Variants in CHSY3 observed in about 807,000 individuals in gnomAD.
The protein encoded by CHSY3 is chondroitin sulfate synthase 3, also known as N-acetylgalactosaminyl-proteoglycan 3-beta-glucuronosyltransferase 3.
Under a neutral mutation model 67.2 loss-of-function variants are expected in CHSY3, and 35 were observed. That is an observed-to-expected ratio of 0.52 (90% CI 0.40 to 0.69). The LOEUF is 0.69. Among genes scored for constraint, CHSY3 ranks in the 30% least tolerant of loss-of-function variants. CHSY3 has a pLI of 0.00. For synonymous variants in CHSY3, 474 were observed against 434.7 expected, an observed-to-expected ratio of 1.09 and a Z score of -1.12; for missense variants, 1,069 against 1,138.5, an observed-to-expected ratio of 0.94 and a Z score of 0.88.
chr5:129,937,955 C>T (rs1761560640), intron 2 of CHSY3, among the ~76,000 whole-genome samples: 1 of 152,122 alleles, frequency 6.6e-6, no homozygotes, highest in East Asian at 1.9e-4. Flanking sequence ...TCACATTTCC[C>T]CTCTTCACTT....
intron 2 of CHSY3, among the ~76,000 whole-genome samples, chr5:130,182,952 T>G (rs938468115): frequency 6.6e-6 from 1 of 152,048 alleles, no homozygotes; most frequent in African/African-American, 2.4e-5. Flanking sequence ...TAATTGAGTT[T>G]TTTTTTTGAA....
chr5:130,157,418 C>T (rs1769403791), intron 2 of CHSY3, among the ~76,000 whole-genome samples: 1 of 152,204 alleles, frequency 6.6e-6, no homozygotes, highest in South Asian at 2.1e-4. Context: ...TGCATAGCAG[C>T]AGACCTAAGT....
At chr5:130,141,783 G>A (rs1391838656) in intron 2 of CHSY3, 2 of 429,446 alleles carry the variant, frequency 4.7e-6, no homozygotes, top group Non-Finnish European at 9.1e-6. Context: ...AGATTCAGAA[G>A]AAGGAAGAAT....
chr5:130,029,546 G>C (rs2149659072), intron 2 of CHSY3, among the ~76,000 whole-genome samples: 1 of 152,050 alleles, frequency 6.6e-6, no homozygotes, highest in South Asian at 2.1e-4. Flanking sequence ...GTGTTCATGA[G>C]GTGTTTGATT....
intron 2 of CHSY3, among the ~76,000 whole-genome samples, chr5:129,915,717 A>C (rs1760710889): frequency 6.6e-6 from 1 of 152,172 alleles, no homozygotes; most frequent in South Asian, 2.1e-4. Context: ...AAAGAAATTA[A>C]TATGTGTAAT....
chr5:130,008,239 G>A (rs1276503318), intron 2 of CHSY3, among the ~76,000 whole-genome samples: 3 of 151,956 alleles, frequency 2.0e-5, no homozygotes, highest in Non-Finnish European at 2.9e-5. Flanking sequence ...ACCCCCCATT[G>A]GAGTGTTGTT....
chr5:130,139,260 A>T (rs75438888), intron 2 of CHSY3, among the ~76,000 whole-genome samples: 6,566 of 152,276 alleles, frequency 0.043, 378 homozygotes, highest in East Asian at 0.27. Flanking sequence ...AGCCAAGGGT[A>T]GAAATTGATT....
intron 2 of CHSY3, among the ~76,000 whole-genome samples, chr5:130,083,795 GT>G (rs1228665396): frequency 6.6e-6 from 1 of 151,708 alleles, no homozygotes; most frequent in African/African-American, 2.4e-5. Context: ...ACAAATGCTG[GT>G]TTTTGTTTTT....
chr5:129,947,850 C>G (rs1230556493), intron 2 of CHSY3, among the ~76,000 whole-genome samples: 2 of 152,086 alleles, frequency 1.3e-5, no homozygotes, highest in African/African-American at 4.8e-5. Context: ...ATTTGCATTT[C>G]CCTGAGGATT....
At chr5:130,028,908 C>A (rs978874653) in intron 2 of CHSY3, among the ~76,000 whole-genome samples, 4 of 151,914 alleles carry the variant, frequency 2.6e-5, no homozygotes, top group Non-Finnish European at 5.9e-5. Context: ...GTCTCTCCCC[C>A]ACATCTGCTT....
intron 2 of CHSY3, chr5:130,114,611 T>A (rs1767720552): frequency 6.6e-6 from 1 of 152,192 alleles, no homozygotes; most frequent in Non-Finnish European, 1.5e-5. Context: ...GAACAGCGTC[T>A]ACTACACACT....
At chr5:130,166,132 A>G (rs1769739923) in intron 2 of CHSY3, among the ~76,000 whole-genome samples, 1 of 152,172 alleles carries the variant, frequency 6.6e-6, no homozygotes, top group Non-Finnish European at 1.5e-5. Context: ...TGTACTAATT[A>G]TAGTTTTATT....
At chr5:129,963,292 G>T (rs1414312533) in intron 2 of CHSY3, among the ~76,000 whole-genome samples, 2 of 151,964 alleles carry the variant, frequency 1.3e-5, no homozygotes, top group Admixed American at 1.3e-4. Context: ...TTGGTTGATA[G>T]CTTACTTGAT....
intron 2 of CHSY3, among the ~76,000 whole-genome samples, chr5:129,922,820 GC>G (rs1305074794): frequency 6.6e-6 from 1 of 152,106 alleles, no homozygotes; most frequent in Non-Finnish European, 1.5e-5. Context: ...CCTTTGTTGT[GC>G]AGTGATCAGT....
At position 129,905,393 on chromosome 5, in the gene CHSY3, G is replaced by C; in HGVS notation, c.564G>C (p.Ala188=). The part of the protein sequence containing the change: ...MTAQKYLGSR[A]LAAQRTWARF... Reference sequence around the variant, plus strand: ...CGCAGAAGTACCTGGGCAGCCGCGCGCTGGCCGCGCAGCGGACCTGGGCGC... The same window carrying C: ...CGCAGAAGTACCTGGGCAGCCGCGCCCTGGCCGCGCAGCGGACCTGGGCGC... The change falls in exon 1 of 3, where the codon GCG becomes GCC. Residue 188 remains alanine (A), a synonymous_variant. Transcript: ENST00000305031. 1 of 1,603,794 alleles carries C rather than the reference G, an allele frequency of 6.2e-7. No homozygotes were observed. Among genetic ancestry groups the C allele is most frequent in the Non-Finnish European group, 8.5e-7 (1 of 1,176,736 alleles).
chr5:129,959,634 C>T (rs546213406), intron 2 of CHSY3, among the ~76,000 whole-genome samples: 16 of 152,008 alleles, frequency 1.1e-4, no homozygotes, highest in Non-Finnish European at 2.2e-4. Flanking sequence ...TTTGAATATG[C>T]AGCTAAAGAA....
intron 2 of CHSY3, among the ~76,000 whole-genome samples, chr5:130,132,702 T>A (rs1235056380): frequency 6.6e-6 from 1 of 152,202 alleles, no homozygotes; most frequent in East Asian, 1.9e-4. Flanking sequence ...ACCCAGGAGA[T>A]ACTTAGCAAT....
At chr5:130,141,923 C>A in intron 2 of CHSY3, 1 of 227,152 alleles carries the variant, frequency 4.4e-6, no homozygotes, top group South Asian at 5.7e-5. Context: ...GGAGCTTCCC[C>A]AGGGCCCCCA....
At chr5:130,062,115 T>TTG (rs534996946) in intron 2 of CHSY3, among the ~76,000 whole-genome samples, 1,884 of 152,256 alleles carry the variant, frequency 0.012, 33 homozygotes, top group African/African-American at 0.043. Flanking sequence ...GCTGTCCTAT[T>TTG]CACAATAGCA....
Sources: gnomAD v4.1 joint callset for allele counts (sites outside exome capture counted in the v4.1 genomes callset) on GRCh38, gnomAD v4.1.1 for gene constraint, MANE v1.5 for transcripts, NCBI Gene and HGNC (gene_info 2026-07-23, HGNC 2026-07-21) for gene names.